IL1RAPL2: variants seen among roughly 807,000 people sequenced by gnomAD.
IL1RAPL2 encodes interleukin 1 receptor accessory protein like 2.
A neutral mutation model predicts 44.1 loss-of-function variants in IL1RAPL2; 3 were observed. That is an observed-to-expected ratio of 0.07 (90% CI 0.03 to 0.18). IL1RAPL2 has a LOEUF of 0.18. Among genes scored for constraint, IL1RAPL2 ranks in the 10% least tolerant of loss-of-function variants. The pLI, the probability that IL1RAPL2 is intolerant of heterozygous loss-of-function variation, is 1.00. For missense variants in IL1RAPL2, 391 were observed against 496.4 expected (o/e 0.79, Z 2.02); for synonymous variants, 181 against 178.8 (o/e 1.01, Z -0.10).
chrX:105,223,054 G>A (rs1252237798), intron 3 of IL1RAPL2, among the ~76,000 whole-genome samples: 1 of 109,309 alleles, frequency 9.1e-6, no homozygotes. Context: ...GGAGGCTGAG[G>A]CACAAGAATA....
intron 7 of IL1RAPL2, among the ~76,000 whole-genome samples, chrX:105,731,602 A>G (rs771361455): frequency 3.6e-4 from 40 of 111,660 alleles, no homozygotes; most frequent in African/African-American, 1.3e-3. Flanking sequence ...AAAATGTAGT[A>G]TATTTGCACA....
chrX:104,842,669 C>G (rs942811489), intron 2 of IL1RAPL2, among the ~76,000 whole-genome samples: 1 of 112,254 alleles, frequency 8.9e-6, no homozygotes, highest in East Asian at 2.8e-4. Context: ...AGGTCTATTG[C>G]AGTGCTGGAG....
intron 2 of IL1RAPL2, among the ~76,000 whole-genome samples, chrX:105,117,473 C>T (rs1309315025): frequency 8.9e-6 from 1 of 111,793 alleles, no homozygotes; most frequent in Non-Finnish European, 1.9e-5. Flanking sequence ...TGAATGGGCT[C>T]TGTCCTTGAA....
In IL1RAPL2 at chrX:105,369,983, A is replaced by G. The variant is rs781679511; in HGVS notation, c.697+102442A>G. ...ACTAGTTGCCATCATTTAAGCAGCTAAGACTAACATAAAAATCTGTTTAGC... is the reference window on the plus strand; with the variant it reads ...ACTAGTTGCCATCATTTAAGCAGCTGAGACTAACATAAAAATCTGTTTAGC... On this transcript the variant is annotated intron_variant, in intron 5 of 10. Transcript: ENST00000372582. Among the ~76,000 whole-genome samples the G allele has an allele frequency of 4.5e-5, 5 of 112,081 alleles. No individual in the cohort carries two copies. The South Asian group carries it at 1.8e-3, about 41-fold the overall frequency.
chrX:105,043,340 G>C (rs968980142), intron 2 of IL1RAPL2, among the ~76,000 whole-genome samples: 2 of 110,544 alleles, frequency 1.8e-5, no homozygotes, highest in African/African-American at 6.6e-5. Context: ...CAAGGACTGA[G>C]GGGATAGATA....
chrX:105,100,586 G>C (rs1404908480), intron 2 of IL1RAPL2, among the ~76,000 whole-genome samples: 1 of 111,626 alleles, frequency 9.0e-6, no homozygotes, highest in Non-Finnish European at 1.9e-5. Flanking sequence ...AGTTCTCATT[G>C]AACATTGCCC....
intron 4 of IL1RAPL2, among the ~76,000 whole-genome samples, chrX:105,261,629 CT>C (rs764004102): frequency 9.0e-6 from 1 of 111,419 alleles, no homozygotes; most frequent in Non-Finnish European, 1.9e-5. Context: ...ATTTTTCTGG[CT>C]AAGAGTAAGG....
chrX:104,697,084 A>G (rs1931194370), intron 2 of IL1RAPL2, among the ~76,000 whole-genome samples: 3 of 112,558 alleles, frequency 2.7e-5, no homozygotes, highest in Non-Finnish European at 5.6e-5. Flanking sequence ...AGAGCACATG[A>G]TATGTTGCTT....
At position 105,422,477 on chromosome X, in the gene IL1RAPL2, C is replaced by T. The variant is rs189983009; in HGVS notation, c.698-61836C>T. On this transcript the variant is annotated intron_variant, in intron 5 of 10. Transcript: ENST00000372582. ...GTAAAATAACCAGTTTCTCCAATTGCGTCCTGTTATAGAGGAAAACAGATT... is the reference window on the plus strand; with the variant it reads ...GTAAAATAACCAGTTTCTCCAATTGTGTCCTGTTATAGAGGAAAACAGATT... 5.3e-4 allele frequency among the ~76,000 whole-genome samples: 59 copies of T among 111,994 alleles called. 1 individual carries two copies. Among genetic ancestry groups the T allele is most frequent in the African/African-American group, 1.8e-3 (55 of 30,872 alleles).
At chrX:105,179,415 A>C (rs2033506625) in intron 2 of IL1RAPL2, among the ~76,000 whole-genome samples, 1 of 111,747 alleles carries the variant, frequency 8.9e-6, no homozygotes, top group Non-Finnish European at 1.9e-5. Flanking sequence ...TTTTGAAATC[A>C]CGTAATGTGA....
chrX:104,957,836 A>G (rs1569351353), intron 2 of IL1RAPL2, among the ~76,000 whole-genome samples: 2 of 111,561 alleles, frequency 1.8e-5, no homozygotes, highest in East Asian at 5.6e-4. Flanking sequence ...TAATTCGAGC[A>G]CTTTGGGAGG....
chrX:104,570,545 G>T (rs1928126871), intron 1 of IL1RAPL2, among the ~76,000 whole-genome samples: 1 of 111,575 alleles, frequency 9.0e-6, no homozygotes, highest in Non-Finnish European at 1.9e-5. Context: ...TGTGTCTAAT[G>T]TAAGGCCTGA....
intron 1 of IL1RAPL2, among the ~76,000 whole-genome samples, chrX:104,602,338 G>T (rs1464977623): frequency 8.9e-6 from 1 of 111,742 alleles, no homozygotes; most frequent in Non-Finnish European, 1.9e-5. Context: ...CGCAAACCAG[G>T]AGATTCCCTC....
At chrX:104,878,783 G>A (rs1241443011) in intron 2 of IL1RAPL2, among the ~76,000 whole-genome samples, 1 of 111,377 alleles carries the variant, frequency 9.0e-6, no homozygotes, top group Non-Finnish European at 1.9e-5. Flanking sequence ...ATTTCTGGAA[G>A]GATAATTCTA....
Position 104,658,992 on chromosome X carries a change from T to A in IL1RAPL2, c.79T>A (p.Ser27Thr). 8.4e-7 allele frequency: 1 copy of A among 1,193,525 alleles called. No homozygotes were observed. The highest frequency in any genetic ancestry group is 1.1e-6 in the Non-Finnish European group (1 of 880,665). The change falls in exon 2 of 11, where the codon TCT becomes ACT. Residue 27 changes from serine (S) to threonine (T), a missense_variant. Transcript: ENST00000372582. ...TCTGAAGATGGTGTCAAAGAGAAAT[T>A]CTGGTAAGTTGCTGGCAACTTGCCA... ...TNLKMVSKRN[S>T]VDGCIDWSVD...
intron 2 of IL1RAPL2, among the ~76,000 whole-genome samples, chrX:104,966,688 A>C (rs2030130689): frequency 8.9e-6 from 1 of 112,103 alleles, no homozygotes; most frequent in African/African-American, 3.2e-5. Flanking sequence ...ATAAATTTAA[A>C]AGACAAAAAT....
chrX:104,975,720 CTTTAGGGGCCCCAG>C (rs1403935510), intron 2 of IL1RAPL2, among the ~76,000 whole-genome samples: 2 of 112,215 alleles, frequency 1.8e-5, no homozygotes, highest in Non-Finnish European at 3.8e-5. Context: ...GTAGGTTTGC[CTTTAGGGGCCCCAG>C]TACAGGGCCC....
chrX:105,542,673 T>C (rs1410239007), intron 6 of IL1RAPL2, among the ~76,000 whole-genome samples: 1 of 103,310 alleles, frequency 9.7e-6, no homozygotes, highest in Non-Finnish European at 1.9e-5. Flanking sequence ...ATTCTCTTTT[T>C]TTTTTATTTT....
intron 1 of IL1RAPL2, among the ~76,000 whole-genome samples, chrX:104,571,586 C>T (rs1254968153): frequency 8.9e-6 from 1 of 111,895 alleles, no homozygotes; most frequent in Non-Finnish European, 1.9e-5. Context: ...TTGCCTGCCG[C>T]CATGTAAGAC....
Sources: gnomAD v4.1 joint callset for allele counts (sites outside exome capture counted in the v4.1 genomes callset) on GRCh38, gnomAD v4.1.1 for gene constraint, MANE v1.5 for transcripts, NCBI Gene and HGNC (gene_info 2026-07-23, HGNC 2026-07-21) for gene names.